Variants in THEMIS observed in about 807,000 individuals in gnomAD.
THEMIS encodes the protein protein THEMIS.
A neutral mutation model predicts 52.6 loss-of-function variants in THEMIS; 37 were observed. That is an observed-to-expected ratio of 0.70 (90% CI 0.54 to 0.93). THEMIS has a LOEUF of 0.93. THEMIS is among the 40% of genes least tolerant of loss of function. The pLI is 0.00. For missense variants in THEMIS, 808 were observed against 763.1 expected, an observed-to-expected ratio of 1.06 and a Z score of -0.69; for synonymous variants, 292 against 272.7, an observed-to-expected ratio of 1.07 and a Z score of -0.70.
intron 1 of THEMIS, among the ~76,000 whole-genome samples, chr6:127,875,615 A>T (rs780023918): frequency 1.1e-4 from 16 of 152,360 alleles, no homozygotes; most frequent in Non-Finnish European, 1.8e-4. Flanking sequence ...TGAGCACTTA[A>T]ATGTAACTAA....
chr6:127,752,532 T>A, intron 4 of THEMIS, among the ~76,000 whole-genome samples: 1 of 151,350 alleles, frequency 6.6e-6, no homozygotes, highest in Non-Finnish European at 1.5e-5. Flanking sequence ...TACACCAACA[T>A]ATTGGTAAAC....
chr6:127,744,234 T>C (rs1413011852), intron 4 of THEMIS, among the ~76,000 whole-genome samples: 1 of 152,028 alleles, frequency 6.6e-6, no homozygotes, highest in Non-Finnish European at 1.5e-5. Flanking sequence ...TCTTTTATAG[T>C]CTCTTCTTGA....
At chr6:127,872,744 A>G (rs1049113209) in intron 1 of THEMIS, among the ~76,000 whole-genome samples, 5 of 152,262 alleles carry the variant, frequency 3.3e-5, no homozygotes, top group Admixed American at 3.3e-4. Flanking sequence ...CAGGCTATCC[A>G]CTCTAACCAC....
At chr6:127,743,438 G>C (rs1257584040) in intron 4 of THEMIS, among the ~76,000 whole-genome samples, 1 of 152,088 alleles carries the variant, frequency 6.6e-6, no homozygotes, top group Non-Finnish European at 1.5e-5. Flanking sequence ...AAATATGACT[G>C]GTGTTTAAGG....
chr6:127,886,585 G>A (rs996391018), intron 1 of THEMIS, among the ~76,000 whole-genome samples: 1 of 152,042 alleles, frequency 6.6e-6, no homozygotes, highest in Non-Finnish European at 1.5e-5. Flanking sequence ...CATTTGTAGG[G>A]GCTGGAGACT....
chr6:127,766,431 T>A (rs766861761), intron 4 of THEMIS, among the ~76,000 whole-genome samples: 1 of 152,204 alleles, frequency 6.6e-6, no homozygotes, highest in Non-Finnish European at 1.5e-5. Context: ...TAATGAGTTA[T>A]CAGAGTTAGC....
intron 1 of THEMIS, among the ~76,000 whole-genome samples, chr6:127,858,762 C>T (rs961770080): frequency 1.4e-4 from 22 of 151,994 alleles, no homozygotes; most frequent in African/African-American, 4.6e-4. Flanking sequence ...AAGCAAATCT[C>T]GAATCTATTA....
chr6:127,779,417 A>G (rs1776671135), intron 4 of THEMIS, among the ~76,000 whole-genome samples: 3 of 152,178 alleles, frequency 2.0e-5, no homozygotes, highest in Non-Finnish European at 4.4e-5. Flanking sequence ...TTTCAAGTCA[A>G]TATTGGAGAA....
At chr6:127,830,964 C>G (rs1480709674) in intron 2 of THEMIS, among the ~76,000 whole-genome samples, 2 of 152,072 alleles carry the variant, frequency 1.3e-5, no homozygotes, top group African/African-American at 4.8e-5. Flanking sequence ...ATTATAAAAC[C>G]CTTGTGGAAA....
At chr6:127,884,916 G>C (rs182722201) in intron 1 of THEMIS, among the ~76,000 whole-genome samples, 2 of 152,018 alleles carry the variant, frequency 1.3e-5, no homozygotes, top group East Asian at 3.9e-4. Flanking sequence ...GTGCACACAC[G>C]CATGTGTGCA....
the THEMIS span, among the ~76,000 whole-genome samples, chr6:127,701,021 C>G: frequency 6.6e-6 from 1 of 152,038 alleles, no homozygotes; most frequent in Non-Finnish European, 1.5e-5. Flanking sequence ...CTTTATTACA[C>G]AAAGGCAGTG....
At chr6:127,912,177 T>G (rs1462571987) in intron 1 of THEMIS, among the ~76,000 whole-genome samples, 1 of 152,188 alleles carries the variant, frequency 6.6e-6, no homozygotes, top group Admixed American at 6.5e-5. Flanking sequence ...GTTTAATGAC[T>G]GCCCTATTGG....
rs187111689 is a variant in THEMIS at position 127,857,450 on chromosome 6, A to C, written c.92-2262T>G. ...ACTTTGTTATGTCTAAAATGTAAGT[A>C]AGAAGGAGGAAGTGGTAAAAACAGA... On this transcript the variant is annotated intron_variant, in intron 1 of 5. Transcript: ENST00000368248. Among the ~76,000 whole-genome samples, 11 of 152,140 alleles carry C rather than the reference A, an allele frequency of 7.2e-5. No individual in the cohort carries two copies. In the East Asian group the frequency reaches 2.1e-3, roughly 30 times the overall value.
At chr6:127,891,793 G>A (rs1004949756) in intron 1 of THEMIS, among the ~76,000 whole-genome samples, 13 of 152,110 alleles carry the variant, frequency 8.5e-5, no homozygotes, top group South Asian at 4.1e-4. Context: ...GGTCATTGGC[G>A]TCTCATAAAA....
At chr6:127,803,046 A>G (rs1777587642) in intron 4 of THEMIS, among the ~76,000 whole-genome samples, 1 of 152,212 alleles carries the variant, frequency 6.6e-6, no homozygotes, top group Non-Finnish European at 1.5e-5. Context: ...TATCAACCAT[A>G]CATCCTACAC....
intron 1 of THEMIS, among the ~76,000 whole-genome samples, chr6:127,890,028 C>T (rs1780756511): frequency 6.6e-6 from 1 of 152,178 alleles, no homozygotes; most frequent in Non-Finnish European, 1.5e-5. Flanking sequence ...TCTAATGAAA[C>T]TGCCAAAATC....
intron 1 of THEMIS, among the ~76,000 whole-genome samples, chr6:127,898,298 T>C (rs561314761): frequency 9.3e-5 from 6 of 64,384 alleles, no homozygotes; most frequent in Middle Eastern, 5.6e-3. Flanking sequence ...TCTGGACACA[T>C]AGAGGGACAC....
intron 1 of THEMIS, among the ~76,000 whole-genome samples, chr6:127,897,246 AAAT>A (rs1780996363): frequency 6.6e-6 from 1 of 151,546 alleles, no homozygotes; most frequent in African/African-American, 2.4e-5. Context: ...GTAAAGAAAA[AAAT>A]TGTTGACAAC....
Position 127,829,588 on chromosome 6 carries a change from A to C in THEMIS, c.597T>G (p.Thr199=). Residue 199 remains threonine, a synonymous_variant, in exon 3 of 6, where the codon ACT becomes ACG. Coordinates refer to ENST00000368248, the MANE Select transcript of THEMIS (RefSeq NM_001010923.3). ...TATTTGAAAAATCTGTAAGGTTTAC[A>C]GTTCTTGTTCTGTTCTTAGGAATCT... The part of the protein sequence containing the change: ...EWKIPKNRTR[T]VNLTDFSNKW... The C allele has an allele frequency of 6.2e-7, 1 of 1,614,130 alleles. No individual in the cohort carries two copies. Among genetic ancestry groups the C allele is most frequent in the Non-Finnish European group, 8.5e-7 (1 of 1,180,000 alleles).
Sources: gnomAD v4.1 joint callset for allele counts (sites outside exome capture counted in the v4.1 genomes callset) on GRCh38, gnomAD v4.1.1 for gene constraint, MANE v1.5 for transcripts, NCBI Gene and HGNC (gene_info 2026-07-23, HGNC 2026-07-21) for gene names.